The following ZFHX3 variants were observed in gnomAD, a reference collection of about 807,000 sequenced individuals.
ZFHX3 encodes the protein zinc finger homeobox 3.
A neutral mutation model predicts 279.1 loss-of-function variants in ZFHX3; 42 were observed. The observed-to-expected ratio is 0.15, with a 90% confidence interval of 0.12 to 0.19. The LOEUF is 0.19. ZFHX3 is among the 10% of genes least tolerant of loss of function. The probability of loss-of-function intolerance (pLI) is 1.00; values close to 1 mark genes in which losing one functional copy is unlikely to be tolerated. For missense variants in ZFHX3, 4,981 were observed against 4,754.0 expected (o/e 1.05, Z -1.40); for synonymous variants, 2,293 against 1,957.8 (o/e 1.17, Z -4.52).
At chr16:72,977,539 C>T (rs1414625846) in intron 1 of ZFHX3, among the ~76,000 whole-genome samples, 1 of 152,046 alleles carries the variant, frequency 6.6e-6, no homozygotes, top group Non-Finnish European at 1.5e-5. Context: ...GTACAACCTG[C>T]ACTCGACTTT....
intron 2 of ZFHX3, among the ~76,000 whole-genome samples, chr16:73,658,425 C>T (rs1010741968): frequency 6.6e-6 from 1 of 152,144 alleles, no homozygotes; most frequent in African/African-American, 2.4e-5. Flanking sequence ...GCCTCAGCCT[C>T]CCGAGTAGCT....
chr16:73,561,831 G>A (rs1284477558), intron 2 of ZFHX3, among the ~76,000 whole-genome samples: 2 of 152,086 alleles, frequency 1.3e-5, no homozygotes, highest in Non-Finnish European at 2.9e-5. Context: ...GGCCCTCATA[G>A]TGTATTTGAT....
At chr16:73,702,094 T>C (rs2380343) in intron 1 of ZFHX3, among the ~76,000 whole-genome samples, 134,970 of 152,104 alleles carry the variant, frequency 0.89, 60,998 homozygotes, top group Non-Finnish European at 0.97. Context: ...GAGAGTGCAG[T>C]GTTGCCGTGA....
intron 4 of ZFHX3, among the ~76,000 whole-genome samples, chr16:73,309,641 T>TA (rs2015276484): frequency 6.6e-6 from 1 of 152,132 alleles, no homozygotes; most frequent in South Asian, 2.1e-4. Flanking sequence ...AGAGGAGTAT[T>TA]ATAATGGGAA....
At chr16:73,319,260 C>G (rs2015522269) in intron 3 of ZFHX3, among the ~76,000 whole-genome samples, 1 of 152,034 alleles carries the variant, frequency 6.6e-6, no homozygotes, top group South Asian at 2.1e-4. Flanking sequence ...TTAGGAGCAT[C>G]AAAGGCCAAG....
intron 2 of ZFHX3, chr16:73,608,688 T>C (rs1387038017): frequency 6.6e-6 from 1 of 152,182 alleles, no homozygotes; most frequent in Non-Finnish European, 1.5e-5. Context: ...ACTAAATCCA[T>C]GGCAATTACC....
At chr16:73,079,721 T>C (rs1359905518) in intron 8 of ZFHX3, among the ~76,000 whole-genome samples, 4 of 152,174 alleles carry the variant, frequency 2.6e-5, no homozygotes, top group Non-Finnish European at 4.4e-5. Flanking sequence ...CAGTAACACT[T>C]GCCTTGGTTC....
chr16:73,050,086 A>G (rs1965422396), upstream of ZFHX3, among the ~76,000 whole-genome samples: 1 of 152,194 alleles, frequency 6.6e-6, no homozygotes, highest in Non-Finnish European at 1.5e-5. Flanking sequence ...TACTCTCAGA[A>G]AATCTAATTT....
intron 2 of ZFHX3, among the ~76,000 whole-genome samples, chr16:73,555,914 G>T (rs148674492): frequency 2.6e-4 from 39 of 152,256 alleles, no homozygotes; most frequent in Non-Finnish European, 3.8e-4. Flanking sequence ...CCAAAGCCAG[G>T]CTTTGAAATT....
At position 73,573,205 on chromosome 16, in the gene ZFHX3, TCC is replaced by T. The variant is rs554499254; in HGVS notation, c.-1547+106973_-1547+106974del. ...AACCTGCCGCAGGCGCCCCCAGAAG[TCC>T]ATGCCTCACTCCCATGCTTTCACTC... On this transcript the variant is annotated intron_variant, in intron 2 of 17. Coordinates refer to the ZFHX3 transcript ENST00000641206. Among the ~76,000 whole-genome samples, 148 of 152,230 alleles carry T rather than the reference TCC, an allele frequency of 9.7e-4. 1 individual carries two copies. The highest frequency in any genetic ancestry group is 3.0e-3 in the African/African-American group (124 of 41,518).
chr16:73,547,516 C>A (rs937435829), intron 2 of ZFHX3, among the ~76,000 whole-genome samples: 1 of 152,134 alleles, frequency 6.6e-6, no homozygotes, highest in Non-Finnish European at 1.5e-5. Context: ...AAGATCCTTG[C>A]CACTTTCCTT....
At chr16:72,811,338 CCT>C (rs1233675100) in intron 7 of ZFHX3, among the ~76,000 whole-genome samples, 8 of 152,144 alleles carry the variant, frequency 5.3e-5, no homozygotes, top group Non-Finnish European at 8.8e-5. Flanking sequence ...GCCTCTGTCC[CCT>C]GAGGGCAGAG....
chr16:73,420,964 T>C (rs1319552523), intron 3 of ZFHX3: 2 of 152,238 alleles, frequency 1.3e-5, no homozygotes, highest in African/African-American at 4.8e-5. Context: ...GTCATGCCCA[T>C]TCTCCTTCTG....
At chr16:73,530,248 A>G (rs1206183162) in intron 2 of ZFHX3, among the ~76,000 whole-genome samples, 1 of 152,154 alleles carries the variant, frequency 6.6e-6, no homozygotes, top group Non-Finnish European at 1.5e-5. Context: ...CTACCATGAG[A>G]ACAGTATGGG....
At chr16:73,164,806 T>C (rs538383960) in intron 5 of ZFHX3, among the ~76,000 whole-genome samples, 1 of 152,304 alleles carries the variant, frequency 6.6e-6, no homozygotes, top group South Asian at 2.1e-4. Context: ...TAATGCTTTA[T>C]GTGTTTAATC....
At chr16:73,493,219 C>A (rs2019083456) in intron 2 of ZFHX3, among the ~76,000 whole-genome samples, 1 of 152,118 alleles carries the variant, frequency 6.6e-6, no homozygotes, top group South Asian at 2.1e-4. Context: ...ACTTTCTTGC[C>A]ATGAACCTAT....
chr16:73,764,052 G>C (rs2053900632), intron 1 of ZFHX3, among the ~76,000 whole-genome samples: 2 of 152,140 alleles, frequency 1.3e-5, no homozygotes, highest in African/African-American at 4.8e-5. Context: ...CAGGGCCCCA[G>C]ACTCCTGACC....
At chr16:72,792,862 A>T (rs757727900) in intron 9 of ZFHX3, among the ~76,000 whole-genome samples, 43 of 152,346 alleles carry the variant, frequency 2.8e-4, no homozygotes, top group Non-Finnish European at 4.9e-4. Context: ...CATAATCCAG[A>T]ATTAGCTAGG....
At chr16:73,481,047 C>T (rs1024387785) in intron 2 of ZFHX3, among the ~76,000 whole-genome samples, 2 of 152,036 alleles carry the variant, frequency 1.3e-5, no homozygotes, top group Non-Finnish European at 2.9e-5. Flanking sequence ...TCCTAAATCC[C>T]GGGCTGGGTG....
Sources: allele counts gnomAD v4.1 joint callset (sites outside exome capture counted in the v4.1 genomes callset), GRCh38; gene constraint gnomAD v4.1.1; transcripts MANE v1.5; gene names NCBI Gene and HGNC (gene_info 2026-07-23, HGNC 2026-07-21).